The following CLEC16A variants were observed in gnomAD, a reference collection of about 807,000 sequenced individuals.
CLEC16A encodes C-type lectin domain containing 16A, also known as protein CLEC16A.
CLEC16A carries 51 observed loss-of-function variants against 109.5 expected under a neutral mutation model. That is an observed-to-expected ratio of 0.47 (90% CI 0.37 to 0.59). The LOEUF (loss-of-function observed/expected upper bound fraction) is 0.59, where lower values mean the gene tolerates loss of function less well. Ranked by LOEUF, CLEC16A falls within the 20% of genes least tolerant of loss-of-function variation. The probability of loss-of-function intolerance (pLI) is 0.00; values close to 1 mark genes in which losing one functional copy is unlikely to be tolerated. For synonymous variants in CLEC16A, 673 were observed against 564.2 expected (o/e 1.19, Z -2.73); for missense variants, 1,339 against 1,394.0 (o/e 0.96, Z 0.63).
At chr16:10,997,715 T>A (rs573392502) in intron 10 of CLEC16A, among the ~76,000 whole-genome samples, 1 of 152,336 alleles carries the variant, frequency 6.6e-6, no homozygotes, top group Non-Finnish European at 1.5e-5. Context: ...TCCTCCAACC[T>A]CAGTATCTTC....
At chr16:10,967,782 G>T (rs550198504) in intron 3 of CLEC16A, among the ~76,000 whole-genome samples, 1 of 152,310 alleles carries the variant, frequency 6.6e-6, no homozygotes, top group East Asian at 1.9e-4. Context: ...CAAGGTCACA[G>T]CACAGCTAGG....
chr16:10,994,272 G>C (rs1449330061), intron 10 of CLEC16A, among the ~76,000 whole-genome samples: 1 of 152,184 alleles, frequency 6.6e-6, no homozygotes, highest in African/African-American at 2.4e-5. Flanking sequence ...TCGCCTCACT[G>C]ATGTTGCAGC....
intron 3 of CLEC16A, among the ~76,000 whole-genome samples, chr16:10,963,256 ACC>A (rs2042341443): frequency 6.6e-6 from 1 of 151,882 alleles, no homozygotes; most frequent in Non-Finnish European, 1.5e-5. Flanking sequence ...TTGGATGAGA[ACC>A]CCCACCCTTA....
chr16:10,995,235 A>G (rs2152733713), intron 10 of CLEC16A, among the ~76,000 whole-genome samples: 1 of 152,310 alleles, frequency 6.6e-6, no homozygotes, highest in Middle Eastern at 3.4e-3. Flanking sequence ...TGCTAATATG[A>G]TGCCCATTGA....
chr16:11,174,230 G>T lies in CLEC16A; in HGVS notation c.2807-4105G>T. On this transcript the variant is annotated intron_variant, in intron 23 of 23. Transcript: ENST00000409790. This position sits in a 1 kb window ranked among gnomAD's most constrained non-coding sequence, Gnocchi z 4.7. ...ACAGTCATGGCGGCCACTGGGTTTA[G>T]TGCTCCGAACGGCAGCTGCCACGGC... The T allele has an allele frequency of 2.1e-6, 1 of 468,430 alleles. No individual in the cohort carries two copies. 29.0% of individuals were successfully genotyped at this position (468,430 alleles called of 1,614,324 possible).
Position 11,166,669 on chromosome 16 carries a change from C to G in CLEC16A, c.2806+117C>G, listed in dbSNP as rs545827344. 1.3e-3 allele frequency: 1,377 copies of G among 1,025,750 alleles called. 5 individuals are homozygous for G. Among genetic ancestry groups the G allele is most frequent in the South Asian group, 1.9e-3 (102 of 54,354 alleles). The allele number at this position is 1,025,750 out of a possible 1,614,324, so 63.5% of individuals were successfully genotyped here. On this transcript the variant is annotated intron_variant, in intron 23 of 23. Transcript: ENST00000409790. The stretch of plus-strand genomic sequence containing the variant: ...TGTCACAGCACTTGAAGGATGATGC[C>G]GCTCAGGTGATCTGCACATGAAGCC...
chr16:10,985,902 C>T (rs2043617807), intron 10 of CLEC16A, among the ~76,000 whole-genome samples: 1 of 150,102 alleles, frequency 6.7e-6, no homozygotes, highest in African/African-American at 2.5e-5. Context: ...AATGGGCTTT[C>T]ACCATGTTGG....
chr16:11,001,711 G>A (rs1471753465), intron 10 of CLEC16A, among the ~76,000 whole-genome samples: 2 of 152,052 alleles, frequency 1.3e-5, no homozygotes, highest in Admixed American at 1.3e-4. Context: ...GCACGATCTC[G>A]CTCACTGAAG....
At chr16:11,073,338 A>G (rs112791087) in intron 19 of CLEC16A, among the ~76,000 whole-genome samples, 7,555 of 151,156 alleles carry the variant, frequency 0.05, 685 homozygotes, top group African/African-American at 0.17. Context: ...ATCACTCCCA[A>G]CCCTCCTCCA....
At chr16:11,024,716 A>G in intron 12 of CLEC16A, 105 bp from the exon 13 acceptor site, 2 of 796,392 alleles carry the variant, frequency 2.5e-6, no homozygotes, top group East Asian at 2.7e-5. Context: ...GTTGTGGCCT[A>G]AAGAGCTGTG....
intron 10 of CLEC16A, among the ~76,000 whole-genome samples, chr16:11,001,386 TC>T (rs1423645891): frequency 2.0e-5 from 3 of 152,314 alleles, no homozygotes; most frequent in African/African-American, 7.2e-5. Context: ...TGCCTGGCCT[TC>T]CTCTTTAAAG....
At chr16:11,070,088 T>G (rs1384522828) in intron 19 of CLEC16A, among the ~76,000 whole-genome samples, 1 of 138,778 alleles carries the variant, frequency 7.2e-6, no homozygotes, top group Non-Finnish European at 1.6e-5. Flanking sequence ...TTTTTTTTTT[T>G]GAGACGGAGT....
intron 19 of CLEC16A, among the ~76,000 whole-genome samples, chr16:11,077,238 G>A (rs1164943661): frequency 1.3e-5 from 2 of 152,126 alleles, no homozygotes; most frequent in African/African-American, 4.8e-5. Flanking sequence ...GGGAGGCTGA[G>A]GCGAGCGGAT....
intron 19 of CLEC16A, among the ~76,000 whole-genome samples, chr16:11,097,321 A>G (rs1052330538): frequency 1.3e-5 from 2 of 151,866 alleles, no homozygotes; most frequent in Non-Finnish European, 2.9e-5. Flanking sequence ...TCCCTTACCA[A>G]TTTTCTTATC....
intron 19 of CLEC16A, among the ~76,000 whole-genome samples, chr16:11,090,808 C>CT (rs1347702770): frequency 2.3e-5 from 3 of 132,852 alleles, no homozygotes; most frequent in African/African-American, 8.9e-5. Flanking sequence ...CCATACCCAG[C>CT]TAATTTTTTT....
chr16:11,062,122 C>G (rs2048514348), intron 19 of CLEC16A, among the ~76,000 whole-genome samples: 1 of 143,052 alleles, frequency 7.0e-6, no homozygotes, highest in Admixed American at 6.9e-5. Flanking sequence ...GCTGGGGTCG[C>G]ATGCCCAGCC....
At chr16:11,059,702 G>A (rs1567260244) in intron 18 of CLEC16A, among the ~76,000 whole-genome samples, 1 of 152,194 alleles carries the variant, frequency 6.6e-6, no homozygotes, top group Non-Finnish European at 1.5e-5. Flanking sequence ...CGCCTTTGCA[G>A]CTCCCTAGTG....
At chr16:11,024,159 C>T (rs961179904) in intron 12 of CLEC16A, 2 of 152,190 alleles carry the variant, frequency 1.3e-5, no homozygotes, top group Non-Finnish European at 2.9e-5. Flanking sequence ...AAATAGAAAT[C>T]AAATAGCAGC....
chr16:10,946,215 G>A (rs1286438572), intron 1 of CLEC16A, among the ~76,000 whole-genome samples: 1 of 152,196 alleles, frequency 6.6e-6, no homozygotes, highest in Non-Finnish European at 1.5e-5. Flanking sequence ...GATAGGGTTA[G>A]GGATATGGTG....
Sources: gnomAD v4.1 joint callset for allele counts (sites outside exome capture counted in the v4.1 genomes callset) on GRCh38, gnomAD v4.1.1 for gene constraint, Gnocchi (gnomAD v3.1) non-coding constraint, MANE v1.5 for transcripts, NCBI Gene and HGNC (gene_info 2026-07-23, HGNC 2026-07-21) for gene names.